The following CYTH1 variants were observed in gnomAD, a reference collection of about 807,000 sequenced individuals.
The protein encoded by CYTH1 is cytohesin-1.
CYTH1 carries 18 observed loss-of-function variants against 61.8 expected under a neutral mutation model. That is an observed-to-expected ratio of 0.29 (90% CI 0.20 to 0.43). The LOEUF (loss-of-function observed/expected upper bound fraction) is 0.43. Among genes scored for constraint, CYTH1 ranks in the 20% least tolerant of loss-of-function variants. CYTH1 has a pLI of 1.00. For synonymous variants in CYTH1, 174 were observed against 184.3 expected (o/e 0.94, Z 0.45); for missense variants, 336 against 510.5 (o/e 0.66, Z 3.29).
intron 1 of CYTH1, among the ~76,000 whole-genome samples, chr17:78,778,080 A>C (rs939851885): frequency 6.6e-6 from 1 of 152,050 alleles, no homozygotes; most frequent in African/African-American, 2.4e-5. Flanking sequence ...AAGCAGGCAG[A>C]TCAATTGAGG....
At chr17:78,727,865 C>G (rs996600178) in intron 1 of CYTH1, 7 of 360,718 alleles carry the variant, frequency 1.9e-5, no homozygotes, top group Non-Finnish European at 4.0e-5. Context: ...ATGGCAGGGG[C>G]AGCCAAGGAG....
chr17:78,746,515 T>A (rs906483256), intron 1 of CYTH1, among the ~76,000 whole-genome samples: 2 of 150,694 alleles, frequency 1.3e-5, no homozygotes, highest in Non-Finnish European at 2.9e-5. Flanking sequence ...TCCTCTGTCT[T>A]CCTAGGGTAA....
intron 1 of CYTH1, among the ~76,000 whole-genome samples, chr17:78,720,816 C>T (rs1214508082): frequency 6.6e-6 from 1 of 152,130 alleles, no homozygotes; most frequent in Non-Finnish European, 1.5e-5. Context: ...GTGGAGGTTG[C>T]AGTGAGCCCA....
chr17:78,726,889 G>A (rs1358620377), intron 1 of CYTH1, among the ~76,000 whole-genome samples: 1 of 152,164 alleles, frequency 6.6e-6, no homozygotes, highest in African/African-American at 2.4e-5. Flanking sequence ...AAAGAAATAA[G>A]TGGTTTTTTG....
At chr17:78,758,648 A>G (rs554268076) in intron 1 of CYTH1, among the ~76,000 whole-genome samples, 15 of 152,290 alleles carry the variant, frequency 9.8e-5, no homozygotes, top group African/African-American at 3.6e-4. Flanking sequence ...AGGAGGTTGC[A>G]GTGGGCCGAG....
At chr17:78,712,343 GTGGT>G (rs953216034) in intron 1 of CYTH1, among the ~76,000 whole-genome samples, 60 of 152,208 alleles carry the variant, frequency 3.9e-4, no homozygotes, top group African/African-American at 1.4e-3. Flanking sequence ...TTTCTTAACA[GTGGT>G]TTAGTCCAGT....
chr17:78,715,240 G>A (rs1221400697), intron 1 of CYTH1, among the ~76,000 whole-genome samples: 1 of 151,990 alleles, frequency 6.6e-6, no homozygotes, highest in East Asian at 1.9e-4. Context: ...ATAAGAGCCC[G>A]CACACTAAAG....
rs188607436 is a variant in CYTH1, at chr17:78,761,523, G to C, written c.22+20679C>G. 4.6e-5 allele frequency among the ~76,000 whole-genome samples: 7 copies of C among 152,304 alleles called. No homozygotes were observed. The East Asian group carries it at 1.4e-3, about 29-fold the overall frequency. On this transcript the variant is annotated intron_variant, in intron 1 of 13. Coordinates refer to ENST00000446868, the MANE Select transcript of CYTH1 (RefSeq NM_004762.6). ...GGAGGCCGAGGCGGGCGGATCACGA[G>C]ATCAGGAGATCCAGACCAGCCTGGC...
At chr17:78,766,231 C>T (rs2093448260) in intron 1 of CYTH1, among the ~76,000 whole-genome samples, 1 of 152,064 alleles carries the variant, frequency 6.6e-6, no homozygotes, top group Non-Finnish European at 1.5e-5. Flanking sequence ...TCCTGTCTCA[C>T]TGTTAAATGA....
chr17:78,689,216 C>A (rs2092850025), intron 11 of CYTH1, among the ~76,000 whole-genome samples: 1 of 152,140 alleles, frequency 6.6e-6, no homozygotes, highest in African/African-American at 2.4e-5. Context: ...AAGCCTGCCA[C>A]CAGAGGCAGG....
intron 1 of CYTH1, among the ~76,000 whole-genome samples, chr17:78,738,349 G>C (rs956812414): frequency 7.9e-5 from 12 of 152,214 alleles, no homozygotes; most frequent in Admixed American, 2.0e-4. Flanking sequence ...CCTGGCTGCA[G>C]AGCCCATCCT....
intron 1 of CYTH1, among the ~76,000 whole-genome samples, chr17:78,735,505 G>A (rs763713306): frequency 1.3e-5 from 2 of 152,188 alleles, no homozygotes; most frequent in Non-Finnish European, 2.9e-5. Flanking sequence ...GGCCTGGCAC[G>A]TCCCCTCACT....
intron 3 of CYTH1, among the ~76,000 whole-genome samples, chr17:78,706,506 C>T (rs2093068485): frequency 6.6e-6 from 1 of 152,220 alleles, no homozygotes; most frequent in Non-Finnish European, 1.5e-5. Flanking sequence ...TAGTCTATTA[C>T]CTCGACCTGT....
At chr17:78,767,964 C>T (rs1052896002) in intron 1 of CYTH1, among the ~76,000 whole-genome samples, 1 of 152,166 alleles carries the variant, frequency 6.6e-6, no homozygotes, top group Non-Finnish European at 1.5e-5. Context: ...GTTTCAAAAA[C>T]ACATATAGTC....
At chr17:78,721,592 G>C (rs1178393005) in intron 1 of CYTH1, among the ~76,000 whole-genome samples, 1 of 152,114 alleles carries the variant, frequency 6.6e-6, no homozygotes, top group African/African-American at 2.4e-5. Context: ...CTCAGTGTTG[G>C]AGCCGTCTCA....
chr17:78,734,431 GCTTTTTTTTTTTT>G (rs2093310639), intron 1 of CYTH1, among the ~76,000 whole-genome samples: 1 of 91,300 alleles, frequency 1.1e-5, no homozygotes, highest in African/African-American at 4.1e-5. Context: ...GTAAAAAAAA[GCTTTTTTTTTTTT>G]TTTTTTTTTT....
chr17:78,756,727 T>C (rs773192602), intron 1 of CYTH1, among the ~76,000 whole-genome samples: 1 of 151,850 alleles, frequency 6.6e-6, no homozygotes, highest in Non-Finnish European at 1.5e-5. Flanking sequence ...AAAATACCAC[T>C]GGGGTGAGAG....
intron 1 of CYTH1, among the ~76,000 whole-genome samples, chr17:78,724,609 T>C (rs1327103381): frequency 5.9e-5 from 9 of 152,216 alleles, no homozygotes; most frequent in Non-Finnish European, 8.8e-5. Context: ...CATTGCTGAA[T>C]GTCCCCTGCG....
intron 1 of CYTH1, among the ~76,000 whole-genome samples, chr17:78,712,610 C>G (rs941781944): frequency 6.6e-6 from 1 of 151,952 alleles, no homozygotes; most frequent in Non-Finnish European, 1.5e-5. Flanking sequence ...GGGCTGAGAT[C>G]GTGCCACTGC....
Sources: gnomAD v4.1 joint callset for allele counts (sites outside exome capture counted in the v4.1 genomes callset) on GRCh38, gnomAD v4.1.1 for gene constraint, MANE v1.5 for transcripts, NCBI Gene and HGNC (gene_info 2026-07-23, HGNC 2026-07-21) for gene names.